Variants in HRH1 observed in about 807,000 individuals in gnomAD.
HRH1 encodes histamine receptor H1.
In HRH1, 6 loss-of-function variants were observed where a neutral mutation model predicts 10.3. That is an observed-to-expected ratio of 0.58 (90% CI 0.32 to 1.15). The LOEUF is 1.15. HRH1 is among the 50% of genes most tolerant of loss of function. The probability of loss-of-function intolerance (pLI) is 0.05; values close to 1 mark genes in which losing one functional copy is unlikely to be tolerated. For missense variants in HRH1, 514 were observed against 615.3 expected (o/e 0.84, Z 1.74); for synonymous variants, 242 against 236.7 (o/e 1.02, Z -0.21).
rs572412983 is a variant in HRH1, at chr3:11,234,368, T to C, written c.-35-24635T>C. 116 of 1,600,378 alleles carry C rather than the reference T, an allele frequency of 7.2e-5. No individual in the cohort carries two copies. In the South Asian group the frequency reaches 1.2e-3, roughly 17 times the overall value. On this transcript the variant is annotated intron_variant, in intron 1 of 1. Coordinates refer to ENST00000431010, the MANE Select transcript of HRH1 (RefSeq NM_001098212.2). Reference sequence around the variant, plus strand: ...TTCCTCATCCTCATCCTCTTGGGGATAGAGGTCTGGGTATTTCTGCAGGCA... The same window carrying C: ...TTCCTCATCCTCATCCTCTTGGGGACAGAGGTCTGGGTATTTCTGCAGGCA...
intron 1 of HRH1, among the ~76,000 whole-genome samples, chr3:11,196,253 C>T (rs1303650498): frequency 1.3e-5 from 2 of 152,214 alleles, no homozygotes; most frequent in Non-Finnish European, 2.9e-5. Flanking sequence ...TGCAGTTGCC[C>T]GGCTCCTCAG....
intron 1 of HRH1, among the ~76,000 whole-genome samples, chr3:11,166,498 T>C (rs746614590): frequency 4.6e-5 from 7 of 152,214 alleles, no homozygotes; most frequent in Admixed American, 3.9e-4. Context: ...ACATTGTACT[T>C]TCCGGCTTCT....
At chr3:11,244,512 C>T (rs1212320455) in intron 1 of HRH1, among the ~76,000 whole-genome samples, 1 of 152,208 alleles carries the variant, frequency 6.6e-6, no homozygotes, top group Non-Finnish European at 1.5e-5. Context: ...TGGTGGTGCT[C>T]ACCAAGAAAT....
chr3:11,151,291 T>C (rs183280927), upstream of HRH1, among the ~76,000 whole-genome samples: 4 of 152,326 alleles, frequency 2.6e-5, no homozygotes, highest in Admixed American at 2.0e-4. Context: ...AAGTGGCACA[T>C]ATGTATAAAA....
chr3:11,159,282 C>G (rs193060629), intron 1 of HRH1, among the ~76,000 whole-genome samples: 2 of 152,108 alleles, frequency 1.3e-5, no homozygotes, highest in African/African-American at 4.8e-5. Flanking sequence ...GGACATCTTG[C>G]CTTTTACAGC....
chr3:11,167,760 G>A (rs1222775330), intron 1 of HRH1, among the ~76,000 whole-genome samples: 1 of 152,256 alleles, frequency 6.6e-6, no homozygotes, highest in Non-Finnish European at 1.5e-5. Context: ...GTGAATGATT[G>A]TGTTTGGGCA....
At chr3:11,256,238 A>T (rs941593856) in intron 1 of HRH1, among the ~76,000 whole-genome samples, 1 of 152,108 alleles carries the variant, frequency 6.6e-6, no homozygotes, top group Non-Finnish European at 1.5e-5. Flanking sequence ...GATTGCTCTG[A>T]TTGGCACCTC....
intron 1 of HRH1, among the ~76,000 whole-genome samples, chr3:11,191,756 A>G (rs1937535672): frequency 6.6e-6 from 1 of 152,244 alleles, no homozygotes; most frequent in African/African-American, 2.4e-5. Flanking sequence ...GTTTCCTCAC[A>G]AGAGCACAGT....
chr3:11,198,846 T>C (rs1467802632), intron 1 of HRH1, among the ~76,000 whole-genome samples: 1 of 151,788 alleles, frequency 6.6e-6, no homozygotes, highest in African/African-American at 2.4e-5. Context: ...ACTTCATAGA[T>C]GTGAACTTTT....
intron 1 of HRH1, among the ~76,000 whole-genome samples, chr3:11,160,116 A>C (rs1387356761): frequency 6.6e-6 from 1 of 152,214 alleles, no homozygotes; most frequent in Non-Finnish European, 1.5e-5. Context: ...CCTGGTGGCC[A>C]CAGATTGAGG....
intron 1 of HRH1, among the ~76,000 whole-genome samples, chr3:11,212,326 AT>A (rs2125034941): frequency 6.6e-6 from 1 of 152,282 alleles, no homozygotes; most frequent in South Asian, 2.1e-4. Flanking sequence ...TCACTTTCAG[AT>A]GGGTTCTTTT....
rs201250089 is a variant in HRH1, at chr3:11,261,179, T to C, written c.*678T>C. On this transcript the variant is annotated 3_prime_UTR_variant, in exon 2 of 2. Transcript: ENST00000431010. ...CATGTTTAGAGTGGATAGAAAATTA[T>C]GCAGCTTGCACACCCATCGTCTTTA... is the stretch of plus-strand genomic sequence containing the variant. 2 of 167,124 alleles carry C rather than the reference T, an allele frequency of 1.2e-5. No individual in the cohort carries two copies. The highest frequency in any genetic ancestry group is 2.4e-5 in the African/African-American group (1 of 41,476). 10.4% of individuals were successfully genotyped at this position (167,124 alleles called of 1,614,324 possible).
intron 1 of HRH1, among the ~76,000 whole-genome samples, chr3:11,173,332 A>T (rs1324633769): frequency 6.6e-6 from 1 of 151,750 alleles, no homozygotes; most frequent in Non-Finnish European, 1.5e-5. Context: ...CAGGTCTGGC[A>T]CATTAGGAAA....
chr3:11,258,658 C>T (rs1249675061), intron 1 of HRH1, among the ~76,000 whole-genome samples: 1 of 152,188 alleles, frequency 6.6e-6, no homozygotes, highest in Non-Finnish European at 1.5e-5. Flanking sequence ...GGATGCAGCC[C>T]ACCTTCCCAG....
chr3:11,218,788 C>A (rs925431799), intron 1 of HRH1, among the ~76,000 whole-genome samples: 1 of 152,196 alleles, frequency 6.6e-6, no homozygotes, highest in Non-Finnish European at 1.5e-5. Context: ...GTTGCCCAGG[C>A]TGGTCTCAAA....
At chr3:11,241,599 C>G (rs564294095) in intron 1 of HRH1, among the ~76,000 whole-genome samples, 2 of 152,044 alleles carry the variant, frequency 1.3e-5, no homozygotes, top group African/African-American at 4.8e-5. Flanking sequence ...TTTGGCAGGC[C>G]GAGGCGGGTG....
At chr3:11,220,801 T>C (rs912635916) in intron 1 of HRH1, among the ~76,000 whole-genome samples, 1 of 152,206 alleles carries the variant, frequency 6.6e-6, no homozygotes, top group African/African-American at 2.4e-5. Flanking sequence ...CTGTTTTATA[T>C]AAGTAAAATA....
Position 11,260,227 on chromosome 3 carries a change from A to T in HRH1, c.1190A>T (p.His397Leu). 1.2e-6 allele frequency: 2 copies of T among 1,614,164 alleles called. No homozygotes were observed. The highest frequency in any genetic ancestry group is 2.2e-5 in the South Asian group (2 of 91,086). ...IKFTWKRLRS[H>L]SRQYVSGLHM... Reference sequence around the variant, plus strand: ...TTTACTTGGAAGAGGCTCCGCTCGCATTCAAGACAGTATGTATCTGGGTTG... The same window carrying T: ...TTTACTTGGAAGAGGCTCCGCTCGCTTTCAAGACAGTATGTATCTGGGTTG... The change falls in exon 2 of 2, where the codon CAT (histidine) becomes CTT (leucine). Residue 397 changes from histidine (H) to leucine (L), a missense_variant. Transcript: ENST00000431010.
intron 1 of HRH1, among the ~76,000 whole-genome samples, chr3:11,232,755 G>A (rs1939076224): frequency 6.6e-6 from 1 of 152,124 alleles, no homozygotes; most frequent in South Asian, 2.1e-4. Context: ...TGAGACTTCC[G>A]ATCCATAAAC....
Sources: allele counts gnomAD v4.1 joint callset (sites outside exome capture counted in the v4.1 genomes callset), GRCh38; gene constraint gnomAD v4.1.1; transcripts MANE v1.5; gene names NCBI Gene and HGNC (gene_info 2026-07-23, HGNC 2026-07-21).